Variants in SHMT1 observed in about 807,000 individuals in gnomAD.
SHMT1 encodes the protein serine hydroxymethyltransferase 1.
SHMT1 carries 45 observed loss-of-function variants against 49.0 expected under a neutral mutation model. The observed-to-expected ratio is 0.92, with a 90% confidence interval of 0.72 to 1.18. The LOEUF (loss-of-function observed/expected upper bound fraction) is 1.18, where lower values mean the gene tolerates loss of function less well. Ranked by LOEUF, SHMT1 falls within the 50% of genes most tolerant of loss-of-function variation. The pLI is 0.00. For missense variants in SHMT1, 541 were observed against 612.4 expected, an observed-to-expected ratio of 0.88 and a Z score of 1.23; for synonymous variants, 232 against 246.6, an observed-to-expected ratio of 0.94 and a Z score of 0.55.
chr17:18,328,171 A>G lies in SHMT1; in HGVS notation c.*579T>C, dbSNP rs1007147944. The G allele has an allele frequency of 6.4e-6, 1 of 155,756 alleles. No homozygotes were observed. The highest frequency in any genetic ancestry group is 2.4e-5 in the African/African-American group (1 of 41,442). The allele number at this position is 155,756 out of a possible 1,614,324, so 9.6% of individuals were successfully genotyped here. ...CTTCCCAGGATGGAGGGAGGAGGCC[A>G]TTTCTACACCATACTTTGAGCTACT... is the stretch of plus-strand genomic sequence containing the variant. On this transcript the variant is annotated 3_prime_UTR_variant, in exon 12 of 12. Transcript: ENST00000316694.
intron 9 of SHMT1, 121 bp from the exon 10 acceptor site, chr17:18,330,792 C>A: frequency 1.4e-6 from 1 of 727,698 alleles, no homozygotes; most frequent in Non-Finnish European, 2.5e-6. Flanking sequence ...GTGAGCACCC[C>A]CACCACATGG....
intron 2 of SHMT1, among the ~76,000 whole-genome samples, chr17:18,354,334 A>G (rs640629): frequency 0.7 from 107,005 of 151,984 alleles, 38,427 homozygotes; most frequent in African/African-American, 0.86. Context: ...CAGGAGAATC[A>G]CTTGAACCCG....
At chr17:18,346,458 C>T (rs983821369) in intron 5 of SHMT1, among the ~76,000 whole-genome samples, 3 of 152,108 alleles carry the variant, frequency 2.0e-5, no homozygotes, top group Non-Finnish European at 2.9e-5. Flanking sequence ...ACGGGTCCCA[C>T]GAAAAACAAG....
intron 5 of SHMT1, chr17:18,341,655 A>AAAAAAAAAAAAAAAAAAAAAAAT: frequency 6.6e-6 from 1 of 152,658 alleles, no homozygotes; most frequent in Non-Finnish European, 1.5e-5. Context: ...CTGAAAAAAA[A>AAAAAAAAAAAAAAAAAAAAAAAT]AAAAAAAAAA....
At chr17:18,361,104 G>A (rs1347268838) in intron 1 of SHMT1, among the ~76,000 whole-genome samples, 2 of 151,758 alleles carry the variant, frequency 1.3e-5, no homozygotes, top group Non-Finnish European at 2.9e-5. Context: ...TCAGGAGTTC[G>A]AGACCAGCCT....
chr17:18,332,842 G>C, intron 9 of SHMT1: 1 of 400,108 alleles, frequency 2.5e-6, no homozygotes, highest in South Asian at 2.0e-5. Context: ...CCACCTACCA[G>C]GTGTGTGACC....
At chr17:18,354,806 G>A (rs1224383653) in intron 2 of SHMT1, among the ~76,000 whole-genome samples, 6 of 149,128 alleles carry the variant, frequency 4.0e-5, no homozygotes, top group Non-Finnish European at 8.9e-5. Flanking sequence ...TTGGGAGGCC[G>A]AGACAGGTGG....
chr17:18,333,775 A>T (rs966097537), intron 8 of SHMT1, among the ~76,000 whole-genome samples: 1 of 151,104 alleles, frequency 6.6e-6, no homozygotes, highest in African/African-American at 2.4e-5. Context: ...AGCTAAAAAA[A>T]TTTTTTATTT....
At chr17:18,332,215 A>G (rs545116817) in intron 9 of SHMT1, 1 of 152,270 alleles carries the variant, frequency 6.6e-6, no homozygotes, top group Non-Finnish European at 1.5e-5. Flanking sequence ...ATTTGAAGAC[A>G]TGGAGGATGA....
Position 18,339,049 on chromosome 17 carries a change from TAAAAAA to T in SHMT1, c.814+988_814+993del, listed in dbSNP as rs34704448. Reference sequence around the variant, plus strand: ...ACACCCAAGAATGATCAATAAATACTAAAAAAAAAAAAAAAAAAAAAAAAAAAAAAG... The same window carrying T: ...ACACCCAAGAATGATCAATAAATACTAAAAAAAAAAAAAAAAAAAAAAAAG... On this transcript the variant is annotated intron_variant, in intron 7 of 11. Transcript: ENST00000316694. Among the ~76,000 whole-genome samples, 42 of 26,870 alleles carry T rather than the reference TAAAAAA, an allele frequency of 1.6e-3. 1 individual carries two copies. In the East Asian group the frequency reaches 0.044, roughly 28 times the overall value. 17.6% of individuals were successfully genotyped at this position (26,870 alleles called of 152,430 possible). A position where few individuals can be genotyped will look rare whatever the true frequency, so the allele number is the denominator to read the frequency against.
At chr17:18,355,606 A>G (rs1986166748) in intron 2 of SHMT1, among the ~76,000 whole-genome samples, 1 of 152,084 alleles carries the variant, frequency 6.6e-6, no homozygotes, top group Non-Finnish European at 1.5e-5. Context: ...AGATAGATCT[A>G]TATTCCCTGT....
chr17:18,340,209 C>T lies in SHMT1; in HGVS notation c.648G>A (p.Lys216=). The change falls in exon 7 of 12, where the codon AAG becomes AAA. Residue 216 remains lysine (K), a synonymous_variant. Transcript: ENST00000316694. This position sits in a 1 kb window ranked among gnomAD's most constrained non-coding sequence, Gnocchi z 4.5. ...GATACGCCCCGTTCTCATCTGCAAT[C>T]TTCCGTAGCCGGGCATATTCCAGGT... The part of the protein sequence containing the change: ...SRNLEYARLR[K]IADENGAYLM... The T allele has an allele frequency of 6.2e-7, 1 of 1,614,222 alleles. No individual in the cohort carries two copies. Among genetic ancestry groups the T allele is most frequent in the South Asian group, 1.1e-5 (1 of 91,088 alleles).
chr17:18,342,159 C>T (rs1247146287), intron 5 of SHMT1, among the ~76,000 whole-genome samples: 2 of 152,078 alleles, frequency 1.3e-5, no homozygotes, highest in Non-Finnish European at 2.9e-5. Flanking sequence ...TGTCCATCAA[C>T]AGATGAATGG....
chr17:18,360,117 T>G (rs1446946640), intron 1 of SHMT1, among the ~76,000 whole-genome samples: 1 of 151,540 alleles, frequency 6.6e-6, no homozygotes, highest in Non-Finnish European at 1.5e-5. Flanking sequence ...GGCATAGTGG[T>G]GGGCCCCTGT....
chr17:18,358,171 TAAAG>T (rs1249787576), intron 1 of SHMT1, among the ~76,000 whole-genome samples: 2 of 129,360 alleles, frequency 1.5e-5, no homozygotes, highest in African/African-American at 5.6e-5. Flanking sequence ...AAAAAAGAAC[TAAAG>T]AAAGAAAAAC....
At chr17:18,334,925 G>C (rs975730512) in intron 8 of SHMT1, among the ~76,000 whole-genome samples, 2 of 152,172 alleles carry the variant, frequency 1.3e-5, no homozygotes, top group Non-Finnish European at 2.9e-5. Flanking sequence ...GCTGTCCCCA[G>C]GTTCCTCTCT....
chr17:18,359,653 A>T (rs554979049), intron 1 of SHMT1, among the ~76,000 whole-genome samples: 1 of 151,814 alleles, frequency 6.6e-6, no homozygotes, highest in East Asian at 1.9e-4. Flanking sequence ...CTGTGTCTCA[A>T]TAAAAAAAAA....
chr17:18,358,035 T>A (rs1986408823), intron 1 of SHMT1, among the ~76,000 whole-genome samples: 1 of 150,042 alleles, frequency 6.7e-6, no homozygotes, highest in Admixed American at 6.6e-5. Flanking sequence ...GGCTAATTTT[T>A]TTTTTATTTT....
At chr17:18,351,025 G>A (rs151022900) in intron 3 of SHMT1, among the ~76,000 whole-genome samples, 9 of 152,106 alleles carry the variant, frequency 5.9e-5, no homozygotes, top group Admixed American at 1.3e-4. Flanking sequence ...GAACCACCAC[G>A]CCTTGCCTAT....
Sources: gnomAD v4.1 joint callset for allele counts (sites outside exome capture counted in the v4.1 genomes callset) on GRCh38, gnomAD v4.1.1 for gene constraint, Gnocchi (gnomAD v3.1) non-coding constraint, MANE v1.5 for transcripts, NCBI Gene and HGNC (gene_info 2026-07-23, HGNC 2026-07-21) for gene names.